The following PRTG variants were observed in gnomAD, a reference collection of about 807,000 sequenced individuals.
The protein encoded by PRTG is protogenin, also known as immunoglobulin superfamily, DCC subclass, member 5.
Under a neutral mutation model 122.5 loss-of-function variants are expected in PRTG, and 67 were observed. The ratio of observed to expected loss-of-function variants is 0.55; its 90% CI spans 0.45 to 0.67. The LOEUF (loss-of-function observed/expected upper bound fraction) is 0.67, where lower values mean the gene tolerates loss of function less well. PRTG is among the 30% of genes least tolerant of loss of function. The probability of loss-of-function intolerance (pLI) is 0.00; values close to 1 mark genes in which losing one functional copy is unlikely to be tolerated. For missense variants in PRTG, 1,435 were observed against 1,415.4 expected, an observed-to-expected ratio of 1.01 and a Z score of -0.22; for synonymous variants, 554 against 501.1, an observed-to-expected ratio of 1.11 and a Z score of -1.41.
rs912500962 is a variant in PRTG at position 55,673,587 on chromosome 15, G to A, written c.1636C>T (p.Arg546Trp). 7.4e-6 allele frequency: 12 copies of A among 1,614,036 alleles called. No homozygotes were observed. The highest frequency in any genetic ancestry group is 2.7e-5 in the African/African-American group (2 of 74,922). ...AAGCGATACAGCACCACTTGGCCCC[G>A]CCGATATTTGGCTGGGATTGGCAGC... Reference protein sequence around the residue: ...SWLPIPAKYRRGQVVLYRLSF... With the variant: ...SWLPIPAKYRWGQVVLYRLSF... The change falls in exon 10 of 20, where the codon CGG becomes TGG. Residue 546 changes from arginine (R) to tryptophan (W), a missense_variant. Physicochemically the swap from Arg to Trp is moderately radical, Grantham distance 101. Transcript: ENST00000389286.
chr15:55,632,824 T>G (rs1241465171), intron 15 of PRTG, among the ~76,000 whole-genome samples: 1 of 152,212 alleles, frequency 6.6e-6, no homozygotes, highest in Non-Finnish European at 1.5e-5. Context: ...TGATACAAGC[T>G]CCAGTGGAGG....
chr15:55,737,976 T>TTCTC (rs376933626), intron 2 of PRTG, among the ~76,000 whole-genome samples: 1,534 of 91,462 alleles, frequency 0.017, 27 homozygotes, highest in African/African-American at 0.047. Flanking sequence ...TTAATGCCTA[T>TTCTC]TCTCTCTCTC....
At chr15:55,735,447 C>T (rs2031377768) in intron 2 of PRTG, among the ~76,000 whole-genome samples, 1 of 151,582 alleles carries the variant, frequency 6.6e-6, no homozygotes, top group South Asian at 2.1e-4. Flanking sequence ...AGATTTGTTG[C>T]TTCCTATTAT....
Position 55,613,740 on chromosome 15 carries a change from AC to A in PRTG, c.*6271del, listed in dbSNP as rs887611005. The A allele has an allele frequency of 1.6e-4, 24 of 145,972 alleles. No individual in the cohort carries two copies. Among genetic ancestry groups the A allele is most frequent in the African/African-American group, 5.7e-4 (23 of 40,060 alleles). The allele number at this position is 145,972 out of a possible 1,614,324, so 9.0% of individuals were successfully genotyped here. Reference sequence around the variant, plus strand: ...TGGTCACACTATGGAAGGCACTATGACCCTGGGTGATTAAATACCTTTTTTT... The same window carrying A: ...TGGTCACACTATGGAAGGCACTATGACCTGGGTGATTAAATACCTTTTTTT... On this transcript the variant is annotated 3_prime_UTR_variant, in exon 20 of 20. Transcript: ENST00000389286.
At chr15:55,706,676 G>C (rs1319721000) in intron 2 of PRTG, among the ~76,000 whole-genome samples, 4 of 151,884 alleles carry the variant, frequency 2.6e-5, no homozygotes, top group African/African-American at 9.7e-5. Context: ...TGAGGTGTAA[G>C]GATGACTTGA....
chr15:55,683,190 T>C (rs2059550720), intron 3 of PRTG, among the ~76,000 whole-genome samples: 1 of 152,324 alleles, frequency 6.6e-6, no homozygotes, highest in Non-Finnish European at 1.5e-5. Flanking sequence ...ATATGCTTTT[T>C]TTTTTTAAAT....
At chr15:55,707,608 TG>T (rs1208769142) in intron 2 of PRTG, among the ~76,000 whole-genome samples, 1 of 152,198 alleles carries the variant, frequency 6.6e-6, no homozygotes, top group Non-Finnish European at 1.5e-5. Context: ...TCCTCCATAA[TG>T]CGATCAATAA....
rs2059161260 is a variant in PRTG, at chr15:55,620,673, T to A, written c.3188A>T (p.Gln1063Leu). ...ATTTAGATAGGTTACCTGCTCAACT[T>A]GTATCTTCTTTGAGTCTTGGAAAAA... ...WFFFQDSKKI[Q>L]VEQPQRRFTP... The change falls in exon 19 of 20, where the codon CAA (glutamine) becomes CTA (leucine). Residue 1063 changes from glutamine (Q) to leucine (L), a missense_variant. Transcript: ENST00000389286. 1 of 1,592,538 alleles carries A rather than the reference T, an allele frequency of 6.3e-7. No homozygotes were observed. The highest frequency in any genetic ancestry group is 8.5e-7 in the Non-Finnish European group (1 of 1,174,954).
At chr15:55,630,615 T>C (rs1488303978) in intron 15 of PRTG, among the ~76,000 whole-genome samples, 3 of 152,202 alleles carry the variant, frequency 2.0e-5, no homozygotes, top group African/African-American at 7.2e-5. Context: ...CTAAAGGTAT[T>C]TTCTCTGTTG....
chr15:55,641,114 C>T lies in PRTG; in HGVS notation c.2136G>A (p.Val712=), dbSNP rs776640961. ...CAAACTGCCATGGCTTTCACTTACA[C>T]ACGCATCCTGGAGTGCTGACAGTCT... The part of the protein sequence containing the change: ...ADQTVSTPGC[V]SVRDRMVPPP... Residue 712 remains valine, a splice_region_variant and synonymous_variant, in exon 12 of 20, where the codon GTG becomes GTA. Coordinates refer to ENST00000389286, the MANE Select transcript of PRTG (RefSeq NM_173814.6). The T allele has an allele frequency of 3.1e-6, 5 of 1,609,670 alleles. No individual in the cohort carries two copies. The East Asian group carries it at 1.1e-4, about 36-fold the overall frequency.
intron 2 of PRTG, among the ~76,000 whole-genome samples, chr15:55,685,010 AG>A (rs1472392368): frequency 6.6e-6 from 1 of 152,158 alleles, no homozygotes; most frequent in East Asian, 1.9e-4. Flanking sequence ...TCACATTTTG[AG>A]GGAGTGTAAA....
At chr15:55,737,957 A>T (rs2031464806) in intron 2 of PRTG, among the ~76,000 whole-genome samples, 1 of 145,926 alleles carries the variant, frequency 6.9e-6, no homozygotes, top group African/African-American at 2.5e-5. Flanking sequence ...AGAAAACCAG[A>T]ATGTCCACTT....
intron 2 of PRTG, among the ~76,000 whole-genome samples, chr15:55,696,302 G>C (rs965614018): frequency 1.3e-5 from 2 of 152,152 alleles, no homozygotes; most frequent in African/African-American, 4.8e-5. Flanking sequence ...CAACTCTCAA[G>C]CATCCACAAT....
chr15:55,694,276 A>G (rs1343525937), intron 2 of PRTG, among the ~76,000 whole-genome samples: 1 of 152,166 alleles, frequency 6.6e-6, no homozygotes, highest in Non-Finnish European at 1.5e-5. Flanking sequence ...TTCTTTTCAT[A>G]AAGTATATAT....
intron 2 of PRTG, among the ~76,000 whole-genome samples, chr15:55,732,242 G>A (rs1346459668): frequency 6.6e-6 from 1 of 152,166 alleles, no homozygotes; most frequent in Non-Finnish European, 1.5e-5. Flanking sequence ...AGGCTAGAGT[G>A]CAGTGACACA....
Position 55,612,439 on chromosome 15 carries a change from T to C in PRTG, c.*7573A>G, listed in dbSNP as rs767536726. 4.6e-5 allele frequency: 7 copies of C among 151,456 alleles called. No homozygotes were observed. The highest frequency in any genetic ancestry group is 7.3e-5 in the African/African-American group (3 of 41,174). The allele number at this position is 151,456 out of a possible 1,614,324, so 9.4% of individuals were successfully genotyped here. On this transcript the variant is annotated 3_prime_UTR_variant, in exon 20 of 20. Transcript: ENST00000389286. ...TATATGGATAAGAAAAAAGGGAAAA[T>C]ATTTCCTCTAAAAAAAGAAGCCAAT...
At position 55,714,390 on chromosome 15, in the gene PRTG, G is replaced by C. The variant is rs148371077; in HGVS notation, c.397+25992C>G. Reference sequence around the variant, plus strand: ...TACAGATGTGCACCCCCACCCCCCCGCTAGTTTTAAAAACATTTTTTGTAG... The same window carrying C: ...TACAGATGTGCACCCCCACCCCCCCCCTAGTTTTAAAAACATTTTTTGTAG... On this transcript the variant is annotated intron_variant, in intron 2 of 19. Coordinates refer to ENST00000389286, the MANE Select transcript of PRTG (RefSeq NM_173814.6). Among the ~76,000 whole-genome samples, 1,438 of 147,102 alleles carry C rather than the reference G, an allele frequency of 9.8e-3. 21 individuals are homozygous for C. Among genetic ancestry groups the C allele is most frequent in the African/African-American group, 0.035 (1,380 of 39,208 alleles).
At chr15:55,731,245 G>C (rs114918754) in intron 2 of PRTG, among the ~76,000 whole-genome samples, 3,828 of 151,324 alleles carry the variant, frequency 0.025, 172 homozygotes, top group African/African-American at 0.089. Flanking sequence ...TCTTCCTATT[G>C]TAAGTCCACT....
chr15:55,707,530 CA>C (rs1340734874), intron 2 of PRTG, among the ~76,000 whole-genome samples: 1 of 152,074 alleles, frequency 6.6e-6, no homozygotes, highest in Non-Finnish European at 1.5e-5. Flanking sequence ...AAATTTTTAC[CA>C]AATTATATGC....
Sources: gnomAD v4.1 joint callset for allele counts (sites outside exome capture counted in the v4.1 genomes callset) on GRCh38, gnomAD v4.1.1 for gene constraint, MANE v1.5 for transcripts, NCBI Gene and HGNC (gene_info 2026-07-23, HGNC 2026-07-21) for gene names.